DGKB: variants seen among roughly 807,000 people sequenced by gnomAD.
DGKB encodes the protein diacylglycerol kinase beta.
DGKB carries 67 observed loss-of-function variants against 114.3 expected under a neutral mutation model. The observed-to-expected ratio is 0.59, with a 90% CI of 0.48 to 0.72. DGKB has a LOEUF of 0.72. DGKB is among the 30% of genes least tolerant of loss of function. The pLI, the probability that DGKB is intolerant of heterozygous loss-of-function variation, is 0.00. For missense variants in DGKB, 907 were observed against 975.2 expected, an observed-to-expected ratio of 0.93 and a Z score of 0.93; for synonymous variants, 398 against 323.1, an observed-to-expected ratio of 1.23 and a Z score of -2.49.
chr7:14,766,831 CA>C (rs1836530371), intron 2 of DGKB, among the ~76,000 whole-genome samples: 1 of 151,650 alleles, frequency 6.6e-6, no homozygotes, highest in African/African-American at 2.4e-5. Flanking sequence ...AGTGAAATAG[CA>C]AGAATACCAG....
At chr7:14,353,937 A>AT (rs1392422543) in intron 21 of DGKB, among the ~76,000 whole-genome samples, 2 of 152,118 alleles carry the variant, frequency 1.3e-5, no homozygotes, top group South Asian at 2.1e-4. Flanking sequence ...GCATGAAATA[A>AT]TTTTTTTAAA....
At chr7:14,322,587 G>GAA in intron 23 of DGKB, among the ~76,000 whole-genome samples, 1 of 152,096 alleles carries the variant, frequency 6.6e-6, no homozygotes, top group African/African-American at 2.4e-5. Context: ...AAAGCAATAA[G>GAA]AAAAAAGTAA....
At chr7:14,375,966 T>G (rs561653622) in intron 21 of DGKB, among the ~76,000 whole-genome samples, 1 of 152,346 alleles carries the variant, frequency 6.6e-6, no homozygotes, top group Admixed American at 6.5e-5. Flanking sequence ...AAATGTTGGT[T>G]CAAACTTGTT....
chr7:14,345,283 A>G lies in DGKB; in HGVS notation c.1926+18T>C. The G allele has an allele frequency of 7.1e-7, 1 of 1,409,480 alleles. No homozygotes were observed. The highest frequency in any genetic ancestry group is 9.7e-7 in the Non-Finnish European group (1 of 1,028,846). The allele number at this position is 1,409,480 out of a possible 1,614,324, so 87.3% of individuals were successfully genotyped here. A position where few individuals can be genotyped will look rare whatever the true frequency, so the allele number is the denominator to read the frequency against. On this transcript the variant is annotated intron_variant, in intron 22 of 25. Transcript: ENST00000402815. ...GCCATTTCATCATATTACAAAAGAG[A>G]ATTCATTTTTTTCTTACTTCTATTT...
chr7:14,589,808 G>T (rs765697163), intron 17 of DGKB, among the ~76,000 whole-genome samples: 23 of 151,808 alleles, frequency 1.5e-4, no homozygotes, highest in Non-Finnish European at 2.9e-4. Context: ...ATTTTGTTTA[G>T]AAATTTTGCA....
intron 5 of DGKB, among the ~76,000 whole-genome samples, chr7:14,725,041 A>G (rs1030362186): frequency 4.3e-4 from 66 of 152,270 alleles, no homozygotes; most frequent in African/African-American, 1.5e-3. Context: ...TTGGGGTGGC[A>G]TGCATTTGTA....
chr7:14,237,249 T>C (rs1342046653), intron 23 of DGKB, among the ~76,000 whole-genome samples: 1 of 151,986 alleles, frequency 6.6e-6, no homozygotes, highest in East Asian at 1.9e-4. Context: ...GAAGGTGAAA[T>C]TGACTCCACT....
chr7:14,583,017 T>C (rs767916956), intron 18 of DGKB, 35 bp downstream of exon 18: 50 of 1,348,276 alleles, frequency 3.7e-5, no homozygotes, highest in Non-Finnish European at 5.2e-5. Context: ...GCTATTGCTC[T>C]CTCCCCAGCC....
chr7:14,723,180 G>A (rs1169134915), intron 5 of DGKB, among the ~76,000 whole-genome samples: 1 of 152,004 alleles, frequency 6.6e-6, no homozygotes, highest in Non-Finnish European at 1.5e-5. Flanking sequence ...AACATGTACG[G>A]CAACCAAAAA....
intron 23 of DGKB, chr7:14,209,117 C>T (rs1480487834): frequency 5.2e-6 from 1 of 190,942 alleles, no homozygotes; most frequent in Non-Finnish European, 1.1e-5. Context: ...GGGAAACAAG[C>T]AGTCCTTATA....
At chr7:14,396,884 T>C (rs1011241247) in intron 21 of DGKB, among the ~76,000 whole-genome samples, 5 of 152,178 alleles carry the variant, frequency 3.3e-5, no homozygotes, top group African/African-American at 1.2e-4. Flanking sequence ...GTAGTCTCTG[T>C]ATCTTACTAA....
intron 1 of DGKB, among the ~76,000 whole-genome samples, chr7:14,959,357 T>C (rs1476978631): frequency 6.6e-6 from 1 of 151,336 alleles, no homozygotes; most frequent in Non-Finnish European, 1.5e-5. Context: ...ATTTTATACC[T>C]GCAATTTTCA....
intron 1 of DGKB, among the ~76,000 whole-genome samples, chr7:14,883,686 T>C (rs192592162): frequency 2.6e-5 from 4 of 152,058 alleles, no homozygotes; most frequent in Admixed American, 6.6e-5. Flanking sequence ...GGAACCTTTA[T>C]GAAAAGAAGA....
chr7:14,563,743 T>C (rs1008245218), intron 20 of DGKB, among the ~76,000 whole-genome samples: 1 of 152,056 alleles, frequency 6.6e-6, no homozygotes, highest in African/African-American at 2.4e-5. Context: ...TCTATGTTTA[T>C]GTAATCTGCA....
chr7:14,632,102 C>T (rs1394707332), intron 13 of DGKB, among the ~76,000 whole-genome samples: 4 of 151,952 alleles, frequency 2.6e-5, no homozygotes, highest in African/African-American at 9.7e-5. Flanking sequence ...AGAATAACAA[C>T]CAAATGCAAT....
At chr7:14,687,460 A>T (rs112908606) in intron 9 of DGKB, among the ~76,000 whole-genome samples, 1 of 152,088 alleles carries the variant, frequency 6.6e-6, no homozygotes, top group Non-Finnish European at 1.5e-5. Context: ...TGAATTTCCT[A>T]TTTTGGTTTC....
At chr7:14,471,514 T>C (rs1781390671) in intron 21 of DGKB, among the ~76,000 whole-genome samples, 1 of 150,334 alleles carries the variant, frequency 6.7e-6, no homozygotes, top group African/African-American at 2.4e-5. Flanking sequence ...TATAAATTGA[T>C]AAGAAGAAGC....
chr7:14,225,013 T>C (rs1790564059), intron 23 of DGKB, among the ~76,000 whole-genome samples: 1 of 152,030 alleles, frequency 6.6e-6, no homozygotes. Flanking sequence ...CCTCTATTCG[T>C]GGTTCACTCC....
intron 20 of DGKB, among the ~76,000 whole-genome samples, chr7:14,552,762 T>A (rs1795286321): frequency 6.6e-6 from 1 of 152,232 alleles, no homozygotes; most frequent in Admixed American, 6.5e-5. Context: ...TGTTTTCCAA[T>A]AGGGAGCTAT....
Sources: gnomAD v4.1 joint callset for allele counts (sites outside exome capture counted in the v4.1 genomes callset) on GRCh38, gnomAD v4.1.1 for gene constraint, MANE v1.5 for transcripts, NCBI Gene and HGNC (gene_info 2026-07-23, HGNC 2026-07-21) for gene names.